The following PCBP3 variants were observed in gnomAD, a reference collection of about 807,000 sequenced individuals.
PCBP3 encodes poly(rC)-binding protein 3.
Under a neutral mutation model 52.7 loss-of-function variants are expected in PCBP3, and 25 were observed. The ratio of observed to expected loss-of-function variants is 0.47; its 90% CI spans 0.35 to 0.66. The LOEUF is 0.66. Ranked by LOEUF, PCBP3 falls within the 30% of genes least tolerant of loss-of-function variation. PCBP3 has a pLI of 0.01. For synonymous variants in PCBP3, 162 were observed against 183.0 expected, an observed-to-expected ratio of 0.89 and a Z score of 0.93; for missense variants, 391 against 490.3, an observed-to-expected ratio of 0.80 and a Z score of 1.91.
intron 2 of PCBP3, among the ~76,000 whole-genome samples, chr21:45,726,368 G>A (rs994194576): frequency 2.0e-5 from 3 of 152,150 alleles, no homozygotes; most frequent in African/African-American, 7.2e-5. Context: ...TCATCTAGGG[G>A]AGAGGAGCAG....
intron 4 of PCBP3, among the ~76,000 whole-genome samples, chr21:45,756,093 A>G (rs998968089): frequency 6.6e-6 from 1 of 152,092 alleles, no homozygotes; most frequent in Non-Finnish European, 1.5e-5. Context: ...CCCATCCCCC[A>G]TCCATTTTGA....
chr21:45,711,053 G>A (rs999905800), intron 2 of PCBP3, among the ~76,000 whole-genome samples: 1 of 152,242 alleles, frequency 6.6e-6, no homozygotes, highest in African/African-American at 2.4e-5. Context: ...TGATGCTCCA[G>A]GCTCATTTTG....
At chr21:45,808,612 A>G (rs1202096375) in intron 4 of PCBP3, among the ~76,000 whole-genome samples, 1 of 152,210 alleles carries the variant, frequency 6.6e-6, no homozygotes, top group Admixed American at 6.5e-5. Flanking sequence ...TAGTTCAACC[A>G]TTGTGGAAGA....
At chr21:45,671,845 CTTCA>C (rs964083674) in intron 2 of PCBP3, among the ~76,000 whole-genome samples, 48 of 152,086 alleles carry the variant, frequency 3.2e-4, no homozygotes, top group African/African-American at 1.1e-3. Flanking sequence ...TTGTTTTTGT[CTTCA>C]TTCATCATGG....
rs764924869 is a variant in PCBP3, at chr21:45,929,874, G to A, written c.718-43G>A. On this transcript the variant is annotated intron_variant, in intron 13 of 17. Transcript: ENST00000681687. ...TTTTAATTTGGTGTGACTTGTACTC[G>A]ATGACAATAACCTTCTTAGCTCTCG... 36 of 1,448,462 alleles carry A rather than the reference G, an allele frequency of 2.5e-5. No individual in the cohort carries two copies. The Middle Eastern group carries it at 6.9e-4, about 28-fold the overall frequency. The allele number at this position is 1,448,462 out of a possible 1,614,324, so 89.7% of individuals were successfully genotyped here.
At chr21:45,833,020 A>T (rs2093490065) in intron 4 of PCBP3, among the ~76,000 whole-genome samples, 1 of 152,000 alleles carries the variant, frequency 6.6e-6, no homozygotes, top group Admixed American at 6.5e-5. Context: ...ACACGTGGGG[A>T]TTGTGGGAAT....
At chr21:45,711,399 TA>T (rs2083828178) in intron 2 of PCBP3, among the ~76,000 whole-genome samples, 1 of 152,234 alleles carries the variant, frequency 6.6e-6, no homozygotes. Flanking sequence ...CTGACATTTG[TA>T]ACTTGAATCC....
intron 13 of PCBP3, among the ~76,000 whole-genome samples, chr21:45,923,823 G>A (rs945939205): frequency 1.3e-5 from 2 of 151,202 alleles, no homozygotes; most frequent in African/African-American, 2.4e-5. Context: ...GTGTGCACGA[G>A]GAGATGCGAA....
chr21:45,919,271 C>T (rs1012633521), intron 13 of PCBP3: 11 of 152,230 alleles, frequency 7.2e-5, no homozygotes, highest in African/African-American at 2.7e-4. Flanking sequence ...TAACGCAGTT[C>T]CAGTCTGTGT....
intron 16 of PCBP3, chr21:45,935,616 G>A: frequency 4.2e-6 from 2 of 472,924 alleles, no homozygotes; most frequent in Non-Finnish European, 8.1e-6. Flanking sequence ...CTGCCCTGGT[G>A]CGGGCCAAAC....
intron 13 of PCBP3, among the ~76,000 whole-genome samples, chr21:45,924,293 G>A (rs1185479375): frequency 1.7e-4 from 25 of 143,920 alleles, no homozygotes; most frequent in African/African-American, 5.8e-4. Context: ...GAGGAGATGC[G>A]AACACCGGGA....
chr21:45,653,614 A>G (rs1222009960), intron 1 of PCBP3, among the ~76,000 whole-genome samples: 1 of 151,960 alleles, frequency 6.6e-6, no homozygotes, highest in Non-Finnish European at 1.5e-5. Flanking sequence ...CAACCTTACT[A>G]TAGTTTTATG....
intron 5 of PCBP3, among the ~76,000 whole-genome samples, chr21:45,854,452 C>CTG (rs920483387): frequency 6.6e-6 from 1 of 152,160 alleles, no homozygotes; most frequent in Non-Finnish European, 1.5e-5. Context: ...CAGGATCCTA[C>CTG]TCTCTGTCTC....
chr21:45,926,497 C>T (rs758957559), intron 13 of PCBP3, among the ~76,000 whole-genome samples: 6 of 152,180 alleles, frequency 3.9e-5, no homozygotes, highest in Non-Finnish European at 8.8e-5. Context: ...TCGGAGATGA[C>T]TATGTCAAAC....
At chr21:45,812,667 C>T (rs934434496) in intron 4 of PCBP3, among the ~76,000 whole-genome samples, 2 of 152,242 alleles carry the variant, frequency 1.3e-5, no homozygotes, top group Non-Finnish European at 2.9e-5. Flanking sequence ...GCTGGGATTA[C>T]AGGCGTGAGC....
chr21:45,728,878 A>G (rs1603340537), intron 2 of PCBP3: 2 of 152,222 alleles, frequency 1.3e-5, no homozygotes, highest in South Asian at 2.1e-4. Context: ...TATTGTATTT[A>G]TTTATTTATT....
intron 3 of PCBP3, among the ~76,000 whole-genome samples, chr21:45,740,300 G>T (rs757870410): frequency 6.6e-6 from 1 of 152,116 alleles, no homozygotes. Context: ...ATCTCTCTGC[G>T]TGCCCGCCTC....
intron 4 of PCBP3, among the ~76,000 whole-genome samples, chr21:45,789,351 T>A (rs530346728): frequency 9.2e-5 from 14 of 152,352 alleles, no homozygotes; most frequent in Non-Finnish European, 1.6e-4. Flanking sequence ...CATGAGTGGG[T>A]GCATGTGTAC....
chr21:45,870,628 G>A (rs1389730018), intron 5 of PCBP3, among the ~76,000 whole-genome samples: 1 of 152,216 alleles, frequency 6.6e-6, no homozygotes, highest in Admixed American at 6.5e-5. Flanking sequence ...GCCTGGCCCT[G>A]CACCCCGGGC....
Sources: gnomAD v4.1 joint callset for allele counts (sites outside exome capture counted in the v4.1 genomes callset) on GRCh38, gnomAD v4.1.1 for gene constraint, MANE v1.5 for transcripts, NCBI Gene and HGNC (gene_info 2026-07-23, HGNC 2026-07-21) for gene names.